Variants in MPHOSPH10 observed in about 807,000 individuals in gnomAD.
MPHOSPH10 encodes the protein U3 small nucleolar ribonucleoprotein MPP10.
Under a neutral mutation model 77.3 loss-of-function variants are expected in MPHOSPH10, and 33 were observed. That is an observed-to-expected ratio of 0.43 (90% CI 0.32 to 0.57). MPHOSPH10 has a LOEUF of 0.57. Among genes scored for constraint, MPHOSPH10 ranks in the 20% least tolerant of loss-of-function variants. The pLI, the probability that MPHOSPH10 is intolerant of heterozygous loss-of-function variation, is 0.07. For missense variants in MPHOSPH10, 708 were observed against 780.1 expected (o/e 0.91, Z 1.10); for synonymous variants, 245 against 268.0 (o/e 0.91, Z 0.84).
rs574809565 is a variant in MPHOSPH10, at chr2:71,148,432, A to AATGCAAGT, written c.1665+328_1665+329insGCAAGTAT. ...TGGCTTGCATTGCATATATACTAGC[A>AATGCAAGT]ATAGTTTAGTGTCAGCATTTCCCCC... On this transcript the variant is annotated intron_variant, in intron 9 of 10. Transcript: ENST00000244230. 198 of 205,774 alleles carry AATGCAAGT rather than the reference A, an allele frequency of 9.6e-4. 1 individual carries two copies. The highest frequency in any genetic ancestry group is 4.4e-3 in the African/African-American group (195 of 43,976). 12.7% of individuals were successfully genotyped at this position (205,774 alleles called of 1,614,324 possible). A position where few individuals can be genotyped will look rare whatever the true frequency, so the allele number is the denominator to read the frequency against.
At chr2:71,136,898 CAG>C (rs1280555068) in intron 4 of MPHOSPH10, among the ~76,000 whole-genome samples, 8 of 122,016 alleles carry the variant, frequency 6.6e-5, no homozygotes, top group Non-Finnish European at 3.3e-5. Flanking sequence ...CCAAACCTGA[CAG>C]AGGTAGCATT....
rs766502897 is a variant in MPHOSPH10 at position 71,141,242 on chromosome 2, A to T, written c.1319A>T (p.Asp440Val). The change falls in exon 7 of 11, where the codon GAT becomes GTT. Residue 440 changes from aspartate (D) to valine (V), a missense_variant. Physicochemically the swap from Asp to Val is radical, Grantham distance 152 (BLOSUM62 -3). This residue lies in a region of MPHOSPH10 where 263 missense variants were observed against 320.0 expected (regional missense o/e 0.82). Coordinates refer to ENST00000244230, the MANE Select transcript of MPHOSPH10 (RefSeq NM_005791.3). ...CACTTTATGTTTCAGGCTTGGGATG[A>T]TGTAGTACGTAAAGAAAAACCTAAA... ...KQRIRDQAWD[D>V]VVRKEKPKED... 3.3e-6 allele frequency: 5 copies of T among 1,510,904 alleles called. No individual in the cohort carries two copies. Among genetic ancestry groups the T allele is most frequent in the Middle Eastern group, 3.5e-4 (2 of 5,716 alleles). The allele number at this position is 1,510,904 out of a possible 1,614,324, so 93.6% of individuals were successfully genotyped here. A position where few individuals can be genotyped will look rare whatever the true frequency, so the allele number is the denominator to read the frequency against.
intron 3 of MPHOSPH10, 148 bp from the exon 4 acceptor site, chr2:71,134,478 C>A: frequency 3.0e-6 from 2 of 667,116 alleles, no homozygotes; most frequent in Non-Finnish European, 4.8e-6. Context: ...ACCTTTTGTT[C>A]CTTAATAACT....
intron 1 of MPHOSPH10, among the ~76,000 whole-genome samples, chr2:71,132,322 C>G (rs565241685): frequency 6.6e-6 from 1 of 152,162 alleles, no homozygotes; most frequent in African/African-American, 2.4e-5. Flanking sequence ...TACTCCTGAA[C>G]CATGCATAAT....
At chr2:71,139,685 G>A in intron 5 of MPHOSPH10, 110 bp from the exon 6 acceptor site, 1 of 696,098 alleles carries the variant, frequency 1.4e-6, no homozygotes, top group Non-Finnish European at 2.4e-6. Flanking sequence ...CCAGGAATTT[G>A]CATTTCTAAC....
chr2:71,131,246 A>G (rs578080169), intron 1 of MPHOSPH10, among the ~76,000 whole-genome samples: 126 of 152,330 alleles, frequency 8.3e-4, no homozygotes, highest in African/African-American at 2.9e-3. Context: ...ATTATTACTC[A>G]TTTATGTTTC....
rs752144846 is a variant in MPHOSPH10 at position 71,144,542 on chromosome 2, A to C, written c.1557+4A>C. On this transcript the variant is annotated splice_donor_region_variant and intron_variant, in intron 8 of 10. Transcript: ENST00000244230. ...CTTCCACTTTATCCCTAAACCGGTA[A>C]GTGTGTTAACAGTTCAGTGTGTAGC... 2.5e-6 allele frequency: 4 copies of C among 1,603,366 alleles called. No homozygotes were observed. The East Asian group carries it at 8.9e-5, about 36-fold the overall frequency.
rs1234943238 is a variant in MPHOSPH10, at chr2:71,133,487, A to G, written c.679A>G (p.Asn227Asp). 2.5e-6 allele frequency: 4 copies of G among 1,606,632 alleles called. No homozygotes were observed. Among genetic ancestry groups the G allele is most frequent in the Non-Finnish European group, 3.4e-6 (4 of 1,173,302 alleles). The change falls in exon 2 of 11, where the codon AAT (asparagine) becomes GAT (aspartate). Residue 227 changes from asparagine (N) to aspartate (D), a missense_variant. By Grantham distance (23) the Asn-to-Asp change is conservative. Coordinates refer to ENST00000244230, the MANE Select transcript of MPHOSPH10 (RefSeq NM_005791.3). The part of the protein sequence containing the change: ...IEKEEERKDD[N>D]DEEEEDIDFF... ...AAAAGAAGAGGAACGAAAAGATGATAATGATGAGGAGGAGGAAGATATTGA... is the reference window on the plus strand; with the variant it reads ...AAAAGAAGAGGAACGAAAAGATGATGATGATGAGGAGGAGGAAGATATTGA...
intron 6 of MPHOSPH10, among the ~76,000 whole-genome samples, chr2:71,140,794 T>A (rs897207238): frequency 6.6e-6 from 1 of 151,960 alleles, no homozygotes; most frequent in Non-Finnish European, 1.5e-5. Context: ...ATAGAAAGGG[T>A]TTAAAGGGTG....
rs914979813 is a variant in MPHOSPH10 at position 71,149,110 on chromosome 2, A to T, written c.1666-113A>T. The T allele has an allele frequency of 1.4e-5, 13 of 914,558 alleles. No individual in the cohort carries two copies. The South Asian group carries it at 2.3e-4, about 16-fold the overall frequency. 56.7% of individuals were successfully genotyped at this position (914,558 alleles called of 1,614,324 possible). Reference sequence around the variant, plus strand: ...TGGGGATTGCTCTGCATCTTTGTGCATTTGGCCACAGATGCACAGCCTGCT... The same window carrying T: ...TGGGGATTGCTCTGCATCTTTGTGCTTTTGGCCACAGATGCACAGCCTGCT... On this transcript the variant is annotated intron_variant, in intron 9 of 10. Transcript: ENST00000244230.
At chr2:71,138,943 A>T in intron 5 of MPHOSPH10, 1 of 570,736 alleles carries the variant, frequency 1.8e-6, no homozygotes, top group Non-Finnish European at 3.1e-6. Context: ...CTGAGGCAGG[A>T]GAATTGCTTG....
chr2:71,137,755 G>A (rs1004966591), intron 4 of MPHOSPH10, among the ~76,000 whole-genome samples: 2 of 151,686 alleles, frequency 1.3e-5, no homozygotes, highest in Non-Finnish European at 2.9e-5. Flanking sequence ...AGAGGAAACC[G>A]AATGGATAAA....
intron 10 of MPHOSPH10, among the ~76,000 whole-genome samples, 154 bp downstream of exon 10, chr2:71,149,607 T>A (rs1241067830): frequency 6.6e-6 from 1 of 152,208 alleles, no homozygotes; most frequent in Non-Finnish European, 1.5e-5. Flanking sequence ...CCTTTAATGT[T>A]CTAGAATTTT....
Position 71,133,194 on chromosome 2 carries a change from A to G in MPHOSPH10, c.386A>G (p.Asp129Gly), listed in dbSNP as rs1441613580. The part of the protein sequence containing the change: ...GSEIEADDKE[D>G]LEDLEEEEVS... ...GAGATAGAGGCTGATGACAAGGAGGACCTAGAAGATTTAGAGGAGGAGGAA... is the reference window on the plus strand; with the variant it reads ...GAGATAGAGGCTGATGACAAGGAGGGCCTAGAAGATTTAGAGGAGGAGGAA... Residue 129 changes from aspartate to glycine, a missense_variant, in exon 2 of 11, where the codon GAC becomes GGC. Around this residue, in one of 3 missense-constraint regions of MPHOSPH10, gnomAD observed 433 missense variants for 432.6 expected, o/e 1.00. Coordinates refer to ENST00000244230, the MANE Select transcript of MPHOSPH10 (RefSeq NM_005791.3). 1.2e-6 allele frequency: 2 copies of G among 1,614,158 alleles called. No individual in the cohort carries two copies. Among genetic ancestry groups the G allele is most frequent in the Non-Finnish European group, 1.7e-6 (2 of 1,180,024 alleles).
At chr2:71,144,767 C>G (rs1434060583) in intron 8 of MPHOSPH10, among the ~76,000 whole-genome samples, 2 of 152,200 alleles carry the variant, frequency 1.3e-5, no homozygotes, top group African/African-American at 4.8e-5. Flanking sequence ...GGTCAGGCAT[C>G]ATGCTAGTAC....
At chr2:71,142,372 C>T (rs116392772) in intron 7 of MPHOSPH10, among the ~76,000 whole-genome samples, 3,126 of 152,264 alleles carry the variant, frequency 0.021, 93 homozygotes, top group African/African-American at 0.063. Context: ...TCATTTGAAT[C>T]TTTGAGGAGA....
chr2:71,134,479 C>A, intron 3 of MPHOSPH10, 147 bp from the exon 4 acceptor site: 3 of 693,718 alleles, frequency 4.3e-6, no homozygotes, highest in Non-Finnish European at 6.9e-6. Context: ...CCTTTTGTTC[C>A]TTAATAACTG....
chr2:71,144,583 T>G (rs752028390), intron 8 of MPHOSPH10, 45 bp downstream of exon 8: 1 of 1,383,814 alleles, frequency 7.2e-7, no homozygotes, highest in African/African-American at 1.4e-5. Context: ...CAGGGTGACC[T>G]TCATAGCTTT....
At chr2:71,135,582 T>C (rs903361280) in intron 4 of MPHOSPH10, among the ~76,000 whole-genome samples, 7 of 152,036 alleles carry the variant, frequency 4.6e-5, no homozygotes, top group Non-Finnish European at 1.0e-4. Flanking sequence ...ATTGTTTTTT[T>C]CTCTGTCCCT....
Sources: gnomAD v4.1 joint callset for allele counts (sites outside exome capture counted in the v4.1 genomes callset) on GRCh38, gnomAD v4.1.1 for gene constraint, gnomAD v4.1.1 regional missense constraint, MANE v1.5 for transcripts, NCBI Gene and HGNC (gene_info 2026-07-23, HGNC 2026-07-21) for gene names.